Variants in ANKS1B observed in about 807,000 individuals in gnomAD.
ANKS1B encodes ankyrin repeat and sterile alpha motif domain-containing protein 1B.
ANKS1B carries 36 observed loss-of-function variants against 148.3 expected under a neutral mutation model. That is an observed-to-expected ratio of 0.24 (90% CI 0.19 to 0.32). The LOEUF is 0.32. Among genes scored for constraint, ANKS1B ranks in the 10% least tolerant of loss-of-function variants. ANKS1B has a pLI of 1.00. For synonymous variants in ANKS1B, 542 were observed against 560.8 expected (o/e 0.97, Z 0.47); for missense variants, 1,157 against 1,542.6 (o/e 0.75, Z 4.19).
intron 8 of ANKS1B, among the ~76,000 whole-genome samples, chr12:99,680,214 G>A (rs577624978): frequency 6.6e-6 from 1 of 152,346 alleles, no homozygotes; most frequent in East Asian, 1.9e-4. Flanking sequence ...ACGAAGGTGG[G>A]TGGATCACTC....
intron 12 of ANKS1B, among the ~76,000 whole-genome samples, chr12:99,391,351 G>T (rs755165007): frequency 6.6e-6 from 1 of 152,154 alleles, no homozygotes; most frequent in Non-Finnish European, 1.5e-5. Flanking sequence ...GCTTTTACTC[G>T]CTTTGCAGCT....
At chr12:99,434,816 A>T (rs1356378353) in intron 11 of ANKS1B, among the ~76,000 whole-genome samples, 1 of 152,008 alleles carries the variant, frequency 6.6e-6, no homozygotes, top group African/African-American at 2.4e-5. Flanking sequence ...GCTCTAGGGG[A>T]AAAAGCTGAG....
intron 8 of ANKS1B, among the ~76,000 whole-genome samples, chr12:99,732,073 GT>G (rs1401377569): frequency 1.3e-5 from 2 of 152,176 alleles, no homozygotes; most frequent in African/African-American, 4.8e-5. Flanking sequence ...AATATTGGTA[GT>G]CTTTAAGGAA....
At chr12:99,737,681 C>T (rs2059738980) in intron 8 of ANKS1B, among the ~76,000 whole-genome samples, 1 of 152,032 alleles carries the variant, frequency 6.6e-6, no homozygotes, top group South Asian at 2.1e-4. Flanking sequence ...ATGTCTTTTG[C>T]ATCCTTGAAA....
At chr12:98,846,489 G>C (rs564240746) in intron 17 of ANKS1B, among the ~76,000 whole-genome samples, 1 of 152,364 alleles carries the variant, frequency 6.6e-6, no homozygotes, top group East Asian at 1.9e-4. Context: ...GGCAAGGAAA[G>C]GAACAGGTAT....
At chr12:99,039,740 G>A (rs931749170) in intron 17 of ANKS1B, among the ~76,000 whole-genome samples, 7 of 152,104 alleles carry the variant, frequency 4.6e-5, no homozygotes, top group Non-Finnish European at 7.4e-5. Context: ...TGCACAATGC[G>A]CAGGTTAGTT....
intron 17 of ANKS1B, among the ~76,000 whole-genome samples, chr12:98,984,599 C>T (rs904140767): frequency 6.6e-6 from 1 of 152,234 alleles, no homozygotes; most frequent in Non-Finnish European, 1.5e-5. Flanking sequence ...TATTTGGCCA[C>T]TACATAACAA....
At chr12:99,155,100 T>G in intron 14 of ANKS1B, 1 of 1,518,510 alleles carries the variant, frequency 6.6e-7, no homozygotes. Flanking sequence ...CAGAGCTATT[T>G]GTTGTGGAAT....
intron 16 of ANKS1B, among the ~76,000 whole-genome samples, chr12:99,065,384 A>C (rs1339047604): frequency 1.3e-5 from 2 of 152,220 alleles, no homozygotes; most frequent in Non-Finnish European, 2.9e-5. Context: ...CAGAGCCTCC[A>C]GGCACATGCA....
Position 98,745,852 on chromosome 12 carries a change from T to A in ANKS1B, c.3748-3A>T, listed in dbSNP as rs1287765725. On this transcript the variant is annotated splice_region_variant and splice_polypyrimidine_tract_variant and intron_variant, in intron 26 of 26. Transcript: ENST00000683438. The stretch of plus-strand genomic sequence containing the variant: ...TTTTGCTCAGATGGGTCGATCTGCT[T>A]TAAAACAGAAAGGCTGATGCCTGTT... The A allele has an allele frequency of 6.2e-7, 1 of 1,611,530 alleles. No individual in the cohort carries two copies. The highest frequency in any genetic ancestry group is 2.2e-5 in the East Asian group (1 of 44,626).
intron 8 of ANKS1B, among the ~76,000 whole-genome samples, chr12:99,718,106 T>C (rs1312949277): frequency 6.6e-6 from 1 of 151,808 alleles, no homozygotes. Context: ...GGTTTCACCA[T>C]GTTAGCCAGG....
chr12:99,323,114 A>T (rs1418247833), intron 12 of ANKS1B, among the ~76,000 whole-genome samples: 1 of 152,144 alleles, frequency 6.6e-6, no homozygotes, highest in East Asian at 1.9e-4. Flanking sequence ...ATTATCCTCC[A>T]AAAAGTTTCT....
rs187438566 is a variant in ANKS1B at position 99,601,645 on chromosome 12, T to A, written c.1272+53422A>T. Among the ~76,000 whole-genome samples, 21 of 152,226 alleles carry A rather than the reference T, an allele frequency of 1.4e-4. No homozygotes were observed. The East Asian group carries it at 3.3e-3, about 24-fold the overall frequency. On this transcript the variant is annotated intron_variant, in intron 9 of 26. Transcript: ENST00000683438. ...AAGACAAGATAACAAGAGAAAAGCATAACAGGTTTATTTAATCAAAGTTTT... is the reference window on the plus strand; with the variant it reads ...AAGACAAGATAACAAGAGAAAAGCAAAACAGGTTTATTTAATCAAAGTTTT...
Position 99,782,002 on chromosome 12 carries a change from T to G in ANKS1B, c.745+20A>C, listed in dbSNP as rs760828051. On this transcript the variant is annotated intron_variant, in intron 5 of 26. Transcript: ENST00000683438. Reference sequence around the variant, plus strand: ...ATGTTATCTGTCAGGATAAGCTCCATGCAGAATCACAATAGTTACCTGTTT... The same window carrying G: ...ATGTTATCTGTCAGGATAAGCTCCAGGCAGAATCACAATAGTTACCTGTTT... The G allele has an allele frequency of 1.9e-6, 3 of 1,577,438 alleles. No individual in the cohort carries two copies. The highest frequency in any genetic ancestry group is 2.6e-6 in the Non-Finnish European group (3 of 1,160,148).
chr12:99,665,980 T>C (rs1173020816), intron 8 of ANKS1B, among the ~76,000 whole-genome samples: 2 of 152,198 alleles, frequency 1.3e-5, no homozygotes, highest in Non-Finnish European at 2.9e-5. Flanking sequence ...TTGAGTTAAT[T>C]TTCATGTACA....
At chr12:99,102,088 T>G (rs1387533115) in intron 15 of ANKS1B, among the ~76,000 whole-genome samples, 1 of 151,960 alleles carries the variant, frequency 6.6e-6, no homozygotes, top group Non-Finnish European at 1.5e-5. Context: ...ATGAAGTTAA[T>G]GAGGAAAAGA....
intron 17 of ANKS1B, among the ~76,000 whole-genome samples, chr12:98,999,340 C>T (rs1026861402): frequency 2.0e-5 from 3 of 152,216 alleles, no homozygotes; most frequent in African/African-American, 4.8e-5. Flanking sequence ...CACAAACTGG[C>T]GTTTCTAATC....
intron 16 of ANKS1B, among the ~76,000 whole-genome samples, chr12:99,077,817 G>A (rs925709020): frequency 5.9e-5 from 9 of 152,158 alleles, no homozygotes; most frequent in Admixed American, 1.3e-4. Context: ...AAATTCAGAT[G>A]TAACTTCTTT....
intron 12 of ANKS1B, among the ~76,000 whole-genome samples, chr12:99,317,700 T>C (rs1164500553): frequency 6.6e-6 from 1 of 152,224 alleles, no homozygotes; most frequent in Admixed American, 6.5e-5. Flanking sequence ...TCCAACACTA[T>C]GTTGAATAGG....
Sources: allele counts gnomAD v4.1 joint callset (sites outside exome capture counted in the v4.1 genomes callset), GRCh38; gene constraint gnomAD v4.1.1; transcripts MANE v1.5; gene names NCBI Gene and HGNC (gene_info 2026-07-23, HGNC 2026-07-21).